The following NCKAP5 variants were observed in gnomAD, a reference collection of about 807,000 sequenced individuals.
NCKAP5 encodes the protein nck-associated protein 5.
NCKAP5 carries 92 observed loss-of-function variants against 167.0 expected under a neutral mutation model. The ratio of observed to expected loss-of-function variants is 0.55; its 90% CI spans 0.47 to 0.66. The LOEUF is 0.66. Ranked by LOEUF, NCKAP5 falls within the 30% of genes least tolerant of loss-of-function variation. The pLI is 0.00. For synonymous variants in NCKAP5, 891 were observed against 877.4 expected (o/e 1.02, Z -0.27); for missense variants, 2,378 against 2,315.0 (o/e 1.03, Z -0.56).
the NCKAP5 span, among the ~76,000 whole-genome samples, chr2:133,662,406 A>C: frequency 6.6e-6 from 1 of 151,810 alleles, no homozygotes; most frequent in East Asian, 2.0e-4. Flanking sequence ...TTAACTAAAA[A>C]TCTGTCTTCC....
intron 2 of NCKAP5, among the ~76,000 whole-genome samples, chr2:133,552,790 G>A (rs6723776): frequency 0.015 from 2,241 of 151,680 alleles, 56 homozygotes; most frequent in African/African-American, 0.052. Context: ...AAGCGGGTGG[G>A]GCAAGCCATG....
At chr2:133,250,962 G>T (rs1285490069) in intron 4 of NCKAP5, among the ~76,000 whole-genome samples, 2 of 151,520 alleles carry the variant, frequency 1.3e-5, no homozygotes, top group Non-Finnish European at 2.9e-5. Flanking sequence ...ACAAAAACAA[G>T]AAAAGAAAAT....
intron 4 of NCKAP5, among the ~76,000 whole-genome samples, chr2:133,236,937 T>C (rs2087448395): frequency 6.6e-6 from 1 of 151,944 alleles, no homozygotes. Flanking sequence ...ATGCTATCCC[T>C]CTCTCCTCTC....
chr2:133,383,316 T>C (rs897268819), intron 3 of NCKAP5, among the ~76,000 whole-genome samples: 2 of 152,144 alleles, frequency 1.3e-5, no homozygotes. Context: ...ACATGCGGTG[T>C]TTGGTTTTTT....
the NCKAP5 span, among the ~76,000 whole-genome samples, chr2:133,611,842 G>A: frequency 6.6e-6 from 1 of 152,174 alleles, no homozygotes. Context: ...GGGACATGAT[G>A]ATGGGTTTTG....
chr2:133,202,221 A>G (rs2150125693), intron 5 of NCKAP5, among the ~76,000 whole-genome samples: 1 of 152,282 alleles, frequency 6.6e-6, no homozygotes, highest in Middle Eastern at 3.4e-3. Flanking sequence ...GAGCCCTCAG[A>G]AATAATACCA....
the NCKAP5 span, among the ~76,000 whole-genome samples, chr2:133,634,372 T>C: frequency 6.6e-6 from 1 of 152,158 alleles, no homozygotes; most frequent in Admixed American, 6.6e-5. Context: ...AGTTCCAGAA[T>C]GCGTGTCTCC....
In NCKAP5 at chr2:133,508,939, G is replaced by A. The variant is rs72846395; in HGVS notation, c.69+8519C>T. Among the ~76,000 whole-genome samples, 511 of 152,310 alleles carry A rather than the reference G, an allele frequency of 3.4e-3. 1 individual carries two copies. The highest frequency in any genetic ancestry group is 0.015 in the South Asian group (72 of 4,828). ...AGCATTTATAAAAGGCTTTCAAAAT[G>A]TGTCCAGTTCCTGTTTTTATGTAGT... On this transcript the variant is annotated intron_variant, in intron 3 of 19. Transcript: ENST00000409261.
chr2:133,409,904 CATA>C (rs1375762602), intron 3 of NCKAP5, among the ~76,000 whole-genome samples: 1 of 152,162 alleles, frequency 6.6e-6, no homozygotes, highest in Non-Finnish European at 1.5e-5. Context: ...GGTTCTTACA[CATA>C]ATAACTATGG....
At chr2:133,152,767 C>T (rs1001145855) in intron 5 of NCKAP5, among the ~76,000 whole-genome samples, 3 of 152,188 alleles carry the variant, frequency 2.0e-5, no homozygotes, top group Admixed American at 2.0e-4. Context: ...CCATATACAA[C>T]AGTGATCCCA....
At chr2:133,349,434 T>C (rs72989608) in intron 3 of NCKAP5, among the ~76,000 whole-genome samples, 2,491 of 152,332 alleles carry the variant, frequency 0.016, 63 homozygotes, top group African/African-American at 0.056. Flanking sequence ...TGTTCCTGGA[T>C]CAAGTGGCAA....
At chr2:133,086,248 T>C (rs114036940) in intron 6 of NCKAP5, among the ~76,000 whole-genome samples, 136 of 152,294 alleles carry the variant, frequency 8.9e-4, no homozygotes, top group Non-Finnish European at 1.6e-3. Context: ...AGCTGAGAAG[T>C]TTTCATTTTA....
chr2:133,066,669 C>T (rs796401002), intron 6 of NCKAP5, among the ~76,000 whole-genome samples: 23 of 152,248 alleles, frequency 1.5e-4, no homozygotes, highest in African/African-American at 1.2e-4. Flanking sequence ...TGTACACCCC[C>T]TAGCATACCA....
intron 3 of NCKAP5, among the ~76,000 whole-genome samples, chr2:133,513,781 G>T (rs1683711019): frequency 6.6e-6 from 1 of 152,036 alleles, no homozygotes; most frequent in South Asian, 2.1e-4. Flanking sequence ...AAGAAAAGAG[G>T]GTACCAGGAA....
rs550208800 is a variant in NCKAP5 at position 133,082,916 on chromosome 2, A to G, written c.341+47062T>C. Among the ~76,000 whole-genome samples, 6 of 152,268 alleles carry G rather than the reference A, an allele frequency of 3.9e-5. No homozygotes were observed. The East Asian group carries it at 1.2e-3, about 29-fold the overall frequency. On this transcript the variant is annotated intron_variant, in intron 6 of 19. Coordinates refer to ENST00000409261, the MANE Select transcript of NCKAP5 (RefSeq NM_207363.3). ...GCAATATTTATATAGACTTGGCTGC[A>G]CTGAGTTATTATGCAAATGCCACAT...
intron 10 of NCKAP5, among the ~76,000 whole-genome samples, chr2:132,863,607 T>A (rs1262320297): frequency 2.6e-5 from 4 of 152,148 alleles, no homozygotes; most frequent in Admixed American, 2.6e-4. Context: ...CCCTGAGAAC[T>A]CTCTGTTCAT....
intron 5 of NCKAP5, among the ~76,000 whole-genome samples, chr2:133,182,111 A>G (rs1228600079): frequency 6.6e-6 from 1 of 152,144 alleles, no homozygotes; most frequent in African/African-American, 2.4e-5. Context: ...TGTGAAATGG[A>G]ACTGAAAGAA....
At chr2:132,916,453 A>G (rs1359704254) in intron 8 of NCKAP5, among the ~76,000 whole-genome samples, 1 of 152,090 alleles carries the variant, frequency 6.6e-6, no homozygotes, top group Non-Finnish European at 1.5e-5. Flanking sequence ...CTGTGACATT[A>G]CTAACAATCA....
chr2:133,443,569 G>A (rs1024887742), intron 3 of NCKAP5, among the ~76,000 whole-genome samples: 2 of 152,116 alleles, frequency 1.3e-5, no homozygotes, highest in African/African-American at 4.8e-5. Flanking sequence ...TTTGGACCCT[G>A]CTTCTGGAAA....
Sources: gnomAD v4.1 joint callset for allele counts (sites outside exome capture counted in the v4.1 genomes callset) on GRCh38, gnomAD v4.1.1 for gene constraint, MANE v1.5 for transcripts, NCBI Gene and HGNC (gene_info 2026-07-23, HGNC 2026-07-21) for gene names.